The following LDB2 variants were observed in gnomAD, a reference collection of about 807,000 sequenced individuals.
LDB2 encodes the protein LIM domain binding 2.
In LDB2, 12 loss-of-function variants were observed where a neutral mutation model predicts 44.3. That is an observed-to-expected ratio of 0.27 (90% CI 0.17 to 0.44). The LOEUF (loss-of-function observed/expected upper bound fraction) is 0.44, where lower values mean the gene tolerates loss of function less well. LDB2 is among the 20% of genes least tolerant of loss of function. The pLI is 1.00. For synonymous variants in LDB2, 164 were observed against 174.8 expected, an observed-to-expected ratio of 0.94 and a Z score of 0.49; for missense variants, 344 against 473.5, an observed-to-expected ratio of 0.73 and a Z score of 2.54.
intron 5 of LDB2, among the ~76,000 whole-genome samples, chr4:16,555,897 C>T (rs1739398391): frequency 6.6e-6 from 1 of 152,204 alleles, no homozygotes; most frequent in Non-Finnish European, 1.5e-5. Context: ...GCGTTACTCT[C>T]CCTATCACCC....
rs558362207 is a variant in LDB2, at chr4:16,811,920, G to GGAT, written c.133-52663_133-52661dup. ...ACAAAATTATCAGAGCTCATTTATAGGATTGTGGACATTTTTCCAAATATT... is the reference window on the plus strand; with the variant it reads ...ACAAAATTATCAGAGCTCATTTATAGGATGATTGTGGACATTTTTCCAAATATT... On this transcript the variant is annotated intron_variant, in intron 1 of 7. Transcript: ENST00000304523. Among the ~76,000 whole-genome samples, 11 of 152,284 alleles carry GGAT rather than the reference G, an allele frequency of 7.2e-5. No homozygotes were observed. The East Asian group carries it at 1.2e-3, about 16-fold the overall frequency.
intron 1 of LDB2, among the ~76,000 whole-genome samples, chr4:16,760,093 C>T (rs1767573005): frequency 1.3e-5 from 2 of 152,196 alleles, no homozygotes; most frequent in Admixed American, 6.5e-5. Flanking sequence ...GGAGGAATCA[C>T]ATCCCAGTCA....
intron 1 of LDB2, among the ~76,000 whole-genome samples, chr4:16,843,653 G>A (rs559481988): frequency 4.7e-4 from 72 of 151,958 alleles, no homozygotes; most frequent in Non-Finnish European, 7.8e-4. Flanking sequence ...ACAGAGTCTC[G>A]CTCTGTTCCC....
chr4:16,874,440 A>G (rs1460826349), intron 1 of LDB2, among the ~76,000 whole-genome samples: 1 of 152,204 alleles, frequency 6.6e-6, no homozygotes, highest in Non-Finnish European at 1.5e-5. Flanking sequence ...CTGTCAAGCC[A>G]TCATTGTCAT....
At chr4:16,774,636 C>A (rs951324576) in intron 1 of LDB2, among the ~76,000 whole-genome samples, 1 of 152,020 alleles carries the variant, frequency 6.6e-6, no homozygotes, top group Non-Finnish European at 1.5e-5. Flanking sequence ...TGAAGAAAAC[C>A]AAAGCTCAGA....
At chr4:16,886,026 G>A (rs1185931459) in intron 1 of LDB2, among the ~76,000 whole-genome samples, 1 of 151,984 alleles carries the variant, frequency 6.6e-6, no homozygotes, top group Non-Finnish European at 1.5e-5. Context: ...GACCAGCCTG[G>A]GTAACAAAGA....
Position 16,555,758 on chromosome 4 carries a change from A to G in LDB2, c.615+30164T>C, listed in dbSNP as rs114269560. On this transcript the variant is annotated intron_variant, in intron 5 of 7. Transcript: ENST00000304523. The stretch of plus-strand genomic sequence containing the variant: ...GTATCTGCTCTCACTGCCTTAACTG[A>G]TGCATAGGCAGGTGTTTAGATTATG... Among the ~76,000 whole-genome samples the G allele has an allele frequency of 3.0e-3, 450 of 152,230 alleles. 3 individuals are homozygous for G. Among genetic ancestry groups the G allele is most frequent in the African/African-American group, 0.01 (436 of 41,530 alleles).
intron 5 of LDB2, among the ~76,000 whole-genome samples, chr4:16,528,422 A>C (rs947456919): frequency 2.6e-5 from 4 of 152,256 alleles, no homozygotes; most frequent in Non-Finnish European, 5.9e-5. Flanking sequence ...CAAAAACCGC[A>C]ATCATTTTTG....
Position 16,544,714 on chromosome 4 carries a change from G to A in LDB2, c.616-32610C>T, listed in dbSNP as rs148834049. ...GAGAGTGTGCAGGAAAAGCCAGTTT[G>A]GGAAACCTTGGAGGAACCAGTTTAG... On this transcript the variant is annotated intron_variant, in intron 5 of 7. Coordinates refer to ENST00000304523, the MANE Select transcript of LDB2 (RefSeq NM_001290.5). Among the ~76,000 whole-genome samples the A allele has an allele frequency of 3.3e-5, 5 of 152,264 alleles. No individual in the cohort carries two copies. The East Asian group carries it at 9.7e-4, about 29-fold the overall frequency.
chr4:16,658,358 CCT>C (rs1740512089), intron 2 of LDB2, among the ~76,000 whole-genome samples: 2 of 152,166 alleles, frequency 1.3e-5, no homozygotes, highest in South Asian at 4.1e-4. Flanking sequence ...ATCCTTGAGG[CCT>C]CTCTTATACC....
intron 1 of LDB2, among the ~76,000 whole-genome samples, chr4:16,811,029 A>G (rs1250285354): frequency 6.6e-6 from 1 of 152,176 alleles, no homozygotes; most frequent in African/African-American, 2.4e-5. Context: ...TCTCATAAGG[A>G]GCACACAATC....
chr4:16,512,245 G>T, intron 5 of LDB2, 141 bp from the exon 6 acceptor site: 3 of 758,952 alleles, frequency 4.0e-6, no homozygotes, highest in South Asian at 2.7e-5. Flanking sequence ...ATAAATGTGA[G>T]GAAAAATAAA....
At chr4:16,890,658 C>T (rs1048006718) in intron 1 of LDB2, among the ~76,000 whole-genome samples, 2 of 152,104 alleles carry the variant, frequency 1.3e-5, no homozygotes, top group African/African-American at 4.8e-5. Flanking sequence ...TGATCCAGCC[C>T]CTGGGCTCTC....
chr4:16,885,603 T>C (rs1721432347), intron 1 of LDB2, among the ~76,000 whole-genome samples: 1 of 152,126 alleles, frequency 6.6e-6, no homozygotes, highest in Non-Finnish European at 1.5e-5. Flanking sequence ...ACTTGCTATA[T>C]CCCAACTCTC....
intron 5 of LDB2, among the ~76,000 whole-genome samples, chr4:16,535,155 G>C (rs1201636679): frequency 6.6e-6 from 1 of 152,196 alleles, no homozygotes; most frequent in Non-Finnish European, 1.5e-5. Flanking sequence ...GTAATTGCTA[G>C]TTCTCGAAAG....
At chr4:16,738,497 GAC>G (rs1381837631) in intron 2 of LDB2, among the ~76,000 whole-genome samples, 1 of 152,288 alleles carries the variant, frequency 6.6e-6, no homozygotes, top group East Asian at 1.9e-4. Flanking sequence ...GCCAACCACA[GAC>G]TAAAAGCTAC....
chr4:16,819,516 G>T lies in LDB2; in HGVS notation c.133-60256C>A, dbSNP rs1206918863. ...CACAGAAAATATTCCCAAGACCCAG[G>T]TCATGTATTTTGTATTCATTTCAAG... On this transcript the variant is annotated intron_variant, in intron 1 of 7. Transcript: ENST00000304523. 3.4e-5 allele frequency among the ~76,000 whole-genome samples: 5 copies of T among 147,622 alleles called. No individual in the cohort carries two copies. The East Asian group carries it at 9.9e-4, about 29-fold the overall frequency.
At chr4:16,894,863 C>A (rs373880286) in intron 1 of LDB2, among the ~76,000 whole-genome samples, 2 of 152,014 alleles carry the variant, frequency 1.3e-5, no homozygotes, top group African/African-American at 2.4e-5. Context: ...AGCTTTAAAA[C>A]CAAACTGGAC....
At chr4:16,845,650 C>T (rs1379111144) in intron 1 of LDB2, among the ~76,000 whole-genome samples, 4 of 152,136 alleles carry the variant, frequency 2.6e-5, no homozygotes, top group African/African-American at 7.2e-5. Context: ...CAATACTAAT[C>T]GCATAGGACT....
Sources: allele counts gnomAD v4.1 joint callset (sites outside exome capture counted in the v4.1 genomes callset), GRCh38; gene constraint gnomAD v4.1.1; transcripts MANE v1.5; gene names NCBI Gene and HGNC (gene_info 2026-07-23, HGNC 2026-07-21).